C1QTNF2: variants seen among roughly 807,000 people sequenced by gnomAD.
C1QTNF2 encodes the protein C1q and TNF related 2, also known as complement C1q tumor necrosis factor-related protein 2.
Under a neutral mutation model 17.4 loss-of-function variants are expected in C1QTNF2, and 15 were observed. That is an observed-to-expected ratio of 0.86 (90% CI 0.58 to 1.33). C1QTNF2 has a LOEUF of 1.33. C1QTNF2 is among the 40% of genes most tolerant of loss of function. The probability of loss-of-function intolerance (pLI) is 0.00; values close to 1 mark genes in which losing one functional copy is unlikely to be tolerated. For synonymous variants in C1QTNF2, 154 were observed against 163.3 expected (o/e 0.94, Z 0.44); for missense variants, 381 against 392.3 (o/e 0.97, Z 0.24).
chr5:160,355,355 G>C (rs1764028879), intron 1 of C1QTNF2: 1 of 486,986 alleles, frequency 2.1e-6, no homozygotes, highest in African/African-American at 2.1e-5. Flanking sequence ...TGTGAATGGA[G>C]AGAAATGATC....
intron 1 of C1QTNF2, among the ~76,000 whole-genome samples, chr5:160,361,945 TCCCTGGAATGGAAGG>T (rs1764161181): frequency 6.6e-6 from 1 of 152,242 alleles, no homozygotes; most frequent in African/African-American, 2.4e-5. Context: ...TCTGGCTCTT[TCCCTGGAATGGAAGG>T]TCCAGGAACG....
In C1QTNF2 at chr5:160,348,125, G is replaced by C. The variant is rs1442661713; in HGVS notation, c.*1043C>G. On this transcript the variant is annotated 3_prime_UTR_variant, in exon 3 of 3. Coordinates refer to ENST00000652664, the MANE Select transcript of C1QTNF2 (RefSeq NM_031908.6). ...CTGCATACTGGCAACACCTGTGCTT[G>C]GGGTGCGATTCATTTGCGTGGGATC... 1 of 152,206 alleles carries C rather than the reference G, an allele frequency of 6.6e-6. No homozygotes were observed. The highest frequency in any genetic ancestry group is 2.4e-5 in the African/African-American group (1 of 41,442). 9.4% of individuals were successfully genotyped at this position (152,206 alleles called of 1,614,324 possible).
chr5:160,362,526 T>A (rs1764173246), intron 1 of C1QTNF2, among the ~76,000 whole-genome samples: 1 of 152,216 alleles, frequency 6.6e-6, no homozygotes, highest in South Asian at 2.1e-4. Flanking sequence ...AAAATCACCA[T>A]ACTTTCACAA....
chr5:160,357,705 C>T (rs1201802945), intron 1 of C1QTNF2, among the ~76,000 whole-genome samples: 2 of 152,080 alleles, frequency 1.3e-5, no homozygotes, highest in Non-Finnish European at 2.9e-5. Context: ...AGCGAGTCTT[C>T]GAGGCAGATG....
chr5:160,355,222 A>G, intron 1 of C1QTNF2: 1 of 984,684 alleles, frequency 1.0e-6, no homozygotes, highest in Non-Finnish European at 1.2e-6. Context: ...GAGTGGAGTC[A>G]TTACCCAGAA....
At position 160,370,612 on chromosome 5, in the gene C1QTNF2, G is replaced by A. The variant is rs753835087; in HGVS notation, c.-110C>T. On this transcript the variant is annotated 5_prime_UTR_variant, in exon 1 of 3. The change creates a new upstream start codon in the 5' untranslated region. Transcript: ENST00000652664. ...CTCAGCGGCAGCAGCCGGGCAGAGC[G>A]TCGGCCCCAGGCATAGTTTTCCCAT... is the stretch of plus-strand genomic sequence containing the variant. The A allele has an allele frequency of 4.1e-6, 6 of 1,448,038 alleles. No individual in the cohort carries two copies. The highest frequency in any genetic ancestry group is 2.8e-5 in the East Asian group (1 of 36,274). The allele number at this position is 1,448,038 out of a possible 1,614,324, so 89.7% of individuals were successfully genotyped here. A position where few individuals can be genotyped will look rare whatever the true frequency, so the allele number is the denominator to read the frequency against.
At chr5:160,364,149 C>A (rs1229622425) in intron 1 of C1QTNF2, among the ~76,000 whole-genome samples, 2 of 152,188 alleles carry the variant, frequency 1.3e-5, no homozygotes, top group African/African-American at 4.8e-5. Context: ...ATTTTACATT[C>A]TTAAGTTAGT....
intron 1 of C1QTNF2, among the ~76,000 whole-genome samples, chr5:160,367,241 T>C (rs1764264417): frequency 6.6e-6 from 1 of 152,032 alleles, no homozygotes; most frequent in African/African-American, 2.4e-5. Context: ...ACTTGGGAGA[T>C]TTTCTGTTAA....
At position 160,348,861 on chromosome 5, in the gene C1QTNF2, T is replaced by C. The variant is rs924071414; in HGVS notation, c.*307A>G. 1 of 288,094 alleles carries C rather than the reference T, an allele frequency of 3.5e-6. No individual in the cohort carries two copies. The highest frequency in any genetic ancestry group is 2.2e-5 in the African/African-American group (1 of 46,510). 17.8% of individuals were successfully genotyped at this position (288,094 alleles called of 1,614,324 possible). On this transcript the variant is annotated 3_prime_UTR_variant, in exon 3 of 3. Coordinates refer to ENST00000652664, the MANE Select transcript of C1QTNF2 (RefSeq NM_031908.6). Reference sequence around the variant, plus strand: ...TATTATTTGCTTGTATATTTGTAAATTGTATCTCCTGCTAGAATGTAAGCT... The same window carrying C: ...TATTATTTGCTTGTATATTTGTAAACTGTATCTCCTGCTAGAATGTAAGCT...
intron 1 of C1QTNF2, among the ~76,000 whole-genome samples, chr5:160,362,056 A>G (rs1243950991): frequency 6.6e-6 from 1 of 152,190 alleles, no homozygotes; most frequent in East Asian, 1.9e-4. Context: ...GCAGCTGTTG[A>G]ATAACCTTGA....
intron 1 of C1QTNF2, among the ~76,000 whole-genome samples, chr5:160,357,441 A>G (rs892401595): frequency 1.3e-5 from 2 of 152,242 alleles, no homozygotes; most frequent in African/African-American, 4.8e-5. Context: ...GGCAAACATC[A>G]TGGAAATGTT....
chr5:160,359,856 G>C (rs1040342043), intron 1 of C1QTNF2, among the ~76,000 whole-genome samples: 1 of 152,166 alleles, frequency 6.6e-6, no homozygotes, highest in Non-Finnish European at 1.5e-5. Context: ...CAGAACCCAG[G>C]CCATGGCTTA....
chr5:160,354,597 A>AAAAAAAAAAAAT (rs769774870), intron 2 of C1QTNF2, among the ~76,000 whole-genome samples, 171 bp downstream of exon 2: 1 of 89,306 alleles, frequency 1.1e-5, no homozygotes, highest in African/African-American at 4.8e-5. Flanking sequence ...AAAAAAAAAA[A>AAAAAAAAAAAAT]GTATATATAT....
chr5:160,356,192 C>A (rs1764047207), intron 1 of C1QTNF2, among the ~76,000 whole-genome samples: 1 of 152,252 alleles, frequency 6.6e-6, no homozygotes. Context: ...AACAGCCTCT[C>A]TCTCAAGAAT....
intron 1 of C1QTNF2, chr5:160,355,302 G>A: frequency 1.1e-6 from 1 of 943,062 alleles, no homozygotes; most frequent in African/African-American, 1.8e-5. Context: ...TGGCTGAAAT[G>A]GATGCAGAAC....
rs758013330 is a variant in C1QTNF2 at position 160,349,352 on chromosome 5, G to C, written c.674C>G (p.Ala225Gly). Reference sequence around the variant, plus strand: ...GGCCACATCGTGGTTGCCGGTGTTGGCATCAAAGGTCCGGATGCGGTACTG... The same window carrying C: ...GGCCACATCGTGGTTGCCGGTGTTGCCATCAAAGGTCCGGATGCGGTACTG... Reference protein sequence around the residue: ...NGQYRIRTFDANTGNHDVASG... With the variant: ...NGQYRIRTFDGNTGNHDVASG... Residue 225 changes from alanine to glycine, a missense_variant, in exon 3 of 3, where the codon GCC (alanine) becomes GGC (glycine). Ala to Gly is a moderately conservative substitution (Grantham distance 60). Transcript: ENST00000652664. This position sits in a 1 kb window ranked among gnomAD's most constrained non-coding sequence, Gnocchi z 4.3. The C allele has an allele frequency of 2.5e-6, 4 of 1,614,136 alleles. No homozygotes were observed. In the Admixed American group the frequency reaches 5.0e-5, roughly 20 times the overall value.
Position 160,349,345 on chromosome 5 carries a change from G to A in C1QTNF2, c.681C>T (p.Thr227=), listed in dbSNP as rs371759650. The change falls in exon 3 of 3, where the codon ACC becomes ACT. Residue 227 remains threonine, a synonymous_variant. Transcript: ENST00000652664. This position sits in a 1 kb window ranked among gnomAD's most constrained non-coding sequence, Gnocchi z 4.3. The stretch of plus-strand genomic sequence containing the variant: ...AGCCTGAGGCCACATCGTGGTTGCC[G>A]GTGTTGGCATCAAAGGTCCGGATGC... ...QYRIRTFDAN[T]GNHDVASGST... 2.0e-5 allele frequency: 32 copies of A among 1,614,052 alleles called. No homozygotes were observed. Among genetic ancestry groups the A allele is most frequent in the African/African-American group, 1.1e-4 (8 of 74,914 alleles).
rs1449338922 is a variant in C1QTNF2, at chr5:160,349,617, G to A, written c.409C>T (p.Leu137Phe). 1 of 1,613,338 alleles carries A rather than the reference G, an allele frequency of 6.2e-7. No individual in the cohort carries two copies. Among genetic ancestry groups the A allele is most frequent in the African/African-American group, 1.3e-5 (1 of 74,796 alleles). The change falls in exon 3 of 3, where the codon CTC becomes TTC. Residue 137 changes from leucine (L) to phenylalanine (F), a missense_variant. Transcript: ENST00000652664. This position sits in a 1 kb window ranked among gnomAD's most constrained non-coding sequence, Gnocchi z 4.3. Reference protein sequence around the residue: ...GPKGKKGEPGLPGPCSCGSGH... With the variant: ...GPKGKKGEPGFPGPCSCGSGH... ...CTGCCACAGCTGCAGGGGCCTGGGAGGCCTGGCTCCCCCTTCTTGCCCTTG... is the reference window on the plus strand; with the variant it reads ...CTGCCACAGCTGCAGGGGCCTGGGAAGCCTGGCTCCCCCTTCTTGCCCTTG...
rs995849111 is a variant in C1QTNF2 at position 160,349,059 on chromosome 5, C to T, written c.*109G>A. The T allele has an allele frequency of 1.2e-5, 17 of 1,387,098 alleles. No individual in the cohort carries two copies. In the African/African-American group the frequency reaches 2.5e-4, roughly 20 times the overall value. The allele number at this position is 1,387,098 out of a possible 1,614,324, so 85.9% of individuals were successfully genotyped here. On this transcript the variant is annotated 3_prime_UTR_variant, in exon 3 of 3. Coordinates refer to ENST00000652664, the MANE Select transcript of C1QTNF2 (RefSeq NM_031908.6). This position sits in a 1 kb window ranked among gnomAD's most constrained non-coding sequence, Gnocchi z 4.3. The stretch of plus-strand genomic sequence containing the variant: ...AGAGGCAGAGGAGGTGAGCCTGAGG[C>T]TAGAACCGCTCACTCGACCCCCCAC...
Sources: allele counts gnomAD v4.1 joint callset (sites outside exome capture counted in the v4.1 genomes callset), GRCh38; gene constraint gnomAD v4.1.1; non-coding constraint Gnocchi (gnomAD v3.1); transcripts MANE v1.5; gene names NCBI Gene and HGNC (gene_info 2026-07-23, HGNC 2026-07-21).